DMD: variants seen among roughly 807,000 people sequenced by gnomAD.
DMD encodes the protein dystrophin, also known as mutant dystrophin.
A neutral mutation model predicts 330.1 loss-of-function variants in DMD; 63 were observed. That is an observed-to-expected ratio of 0.19 (90% confidence interval 0.16 to 0.24). The LOEUF (loss-of-function observed/expected upper bound fraction) is 0.24, where lower values mean the gene tolerates loss of function less well. Ranked by LOEUF, DMD falls within the 10% of genes least tolerant of loss-of-function variation. The pLI is 1.00. For synonymous variants in DMD, 1,223 were observed against 959.8 expected (o/e 1.27, Z -5.07); for missense variants, 3,344 against 2,684.1 (o/e 1.25, Z -5.43).
chrX:32,438,063 T>G (rs2098268203), intron 29 of DMD, among the ~76,000 whole-genome samples, 178 bp downstream of exon 29: 1 of 112,298 alleles, frequency 8.9e-6, no homozygotes, highest in Non-Finnish European at 1.9e-5. Context: ...AATGTTTTTG[T>G]GAAATCACAT....
chrX:32,125,303 G>T (rs763629566), intron 44 of DMD, among the ~76,000 whole-genome samples: 1 of 111,638 alleles, frequency 9.0e-6, no homozygotes, highest in African/African-American at 3.3e-5. Context: ...GTAGGACCAG[G>T]TGACAGATTT....
At chrX:32,037,478 T>TA (rs1489183908) in intron 44 of DMD, among the ~76,000 whole-genome samples, 4 of 112,380 alleles carry the variant, frequency 3.6e-5, no homozygotes, top group Non-Finnish European at 7.5e-5. Context: ...TTTCTAATGA[T>TA]AGATTCTTAA....
At chrX:32,403,008 A>C (rs188173146) in intron 30 of DMD, among the ~76,000 whole-genome samples, 1 of 111,727 alleles carries the variant, frequency 9.0e-6, no homozygotes. Context: ...GAATTCAATA[A>C]ATTTGCCAGC....
intron 1 of DMD, among the ~76,000 whole-genome samples, chrX:33,231,604 T>C (rs900476703): frequency 9.0e-6 from 1 of 111,002 alleles, no homozygotes; most frequent in Non-Finnish European, 1.9e-5. Context: ...CTTTCAGAGG[T>C]GTGAATGGGC....
chrX:32,765,869 T>C (rs186791336), intron 7 of DMD, among the ~76,000 whole-genome samples: 10 of 112,077 alleles, frequency 8.9e-5, no homozygotes, highest in African/African-American at 2.6e-4. Context: ...CTGATCCATT[T>C]TGACTTAATT....
intron 21 of DMD, among the ~76,000 whole-genome samples, chrX:32,480,606 T>A (rs73451788): frequency 9.0e-6 from 1 of 111,590 alleles, no homozygotes; most frequent in East Asian, 2.8e-4. Context: ...TCTGTGTGTG[T>A]ACATACACAG....
chrX:32,874,319 C>T (rs763867359), intron 2 of DMD, among the ~76,000 whole-genome samples: 1 of 111,931 alleles, frequency 8.9e-6, no homozygotes, highest in East Asian at 2.8e-4. Flanking sequence ...TCTATTGATA[C>T]AAAGATTGAG....
At chrX:32,093,136 A>G (rs192929157) in intron 44 of DMD, among the ~76,000 whole-genome samples, 2 of 112,526 alleles carry the variant, frequency 1.8e-5, no homozygotes, top group African/African-American at 6.4e-5. Context: ...TTTAGTCTTC[A>G]CAATAGAATT....
At chrX:32,221,111 G>A (rs990934656) in intron 43 of DMD, among the ~76,000 whole-genome samples, 6 of 111,061 alleles carry the variant, frequency 5.4e-5, no homozygotes, top group African/African-American at 2.0e-4. Flanking sequence ...GGAGTAATTC[G>A]GTACTCTGGG....
At chrX:32,500,812 G>T (rs944369309) in intron 19 of DMD, among the ~76,000 whole-genome samples, 1 of 111,539 alleles carries the variant, frequency 9.0e-6, no homozygotes, top group East Asian at 2.8e-4. Flanking sequence ...AAAATGAATT[G>T]ATTTTCTAGG....
At chrX:32,443,429 T>C (rs995365352) in intron 27 of DMD, among the ~76,000 whole-genome samples, 20 of 111,199 alleles carry the variant, frequency 1.8e-4, no homozygotes, top group Non-Finnish European at 3.4e-4. Flanking sequence ...ATCTGGGTCA[T>C]TTCCAGCTCC....
At chrX:31,396,548 GTTTTTTTTTTTTTT>G (rs56745544) in intron 60 of DMD, among the ~76,000 whole-genome samples, 2 of 66,049 alleles carry the variant, frequency 3.0e-5, no homozygotes, top group East Asian at 1.2e-3. Context: ...AAATCCCAGG[GTTTTTTTTTTTTTT>G]TTTTTTTTTT....
intron 7 of DMD, among the ~76,000 whole-genome samples, chrX:32,724,495 T>C (rs1384668575): frequency 1.8e-5 from 2 of 111,963 alleles, no homozygotes; most frequent in African/African-American, 3.2e-5. Context: ...GTTAACATAA[T>C]TGATTTACAA....
intron 2 of DMD, among the ~76,000 whole-genome samples, chrX:33,006,026 G>T (rs6631709): frequency 0.39 from 42,828 of 110,184 alleles, 6,361 homozygotes; most frequent in East Asian, 0.48. Flanking sequence ...ATAAAATACT[G>T]AGGAATAAAT....
chrX:31,724,108 G>A (rs1174365510), intron 52 of DMD, among the ~76,000 whole-genome samples: 1 of 112,299 alleles, frequency 8.9e-6, no homozygotes, highest in Non-Finnish European at 1.9e-5. Flanking sequence ...TGTGAATTTT[G>A]AGAGCTGCTT....
intron 2 of DMD, among the ~76,000 whole-genome samples, chrX:32,993,204 T>C (rs1443469746): frequency 8.9e-6 from 1 of 111,954 alleles, no homozygotes; most frequent in African/African-American, 3.2e-5. Context: ...GATTTGTGAG[T>C]AAGTAGTTTG....
intron 55 of DMD, among the ~76,000 whole-genome samples, chrX:31,580,891 G>C (rs951054202): frequency 9.0e-6 from 1 of 111,443 alleles, no homozygotes; most frequent in East Asian, 2.8e-4. Flanking sequence ...CTGCATTTGA[G>C]AACCTCTGCC....
chrX:32,723,123 G>A (rs931876793), intron 7 of DMD, among the ~76,000 whole-genome samples: 6 of 111,329 alleles, frequency 5.4e-5, no homozygotes, highest in Admixed American at 9.6e-5. Context: ...CATATTTTGC[G>A]AAGAGTTATA....
At chrX:33,177,622 A>T (rs1268858810) in intron 1 of DMD, among the ~76,000 whole-genome samples, 1 of 110,830 alleles carries the variant, frequency 9.0e-6, no homozygotes, top group Admixed American at 9.6e-5. Flanking sequence ...CTGGCCTCAA[A>T]TGATCCACCC....
Sources: gnomAD v4.1 joint callset for allele counts (sites outside exome capture counted in the v4.1 genomes callset) on GRCh38, gnomAD v4.1.1 for gene constraint, MANE v1.5 for transcripts, NCBI Gene and HGNC (gene_info 2026-07-23, HGNC 2026-07-21) for gene names.